ZBTB7C: variants seen among roughly 807,000 people sequenced by gnomAD.
ZBTB7C encodes the protein zinc finger and BTB domain-containing protein 7C.
In ZBTB7C, 8 loss-of-function variants were observed where a neutral mutation model predicts 25.7. The observed-to-expected ratio is 0.31, with a 90% CI of 0.18 to 0.56. The LOEUF is 0.56. Ranked by LOEUF, ZBTB7C falls within the 20% of genes least tolerant of loss-of-function variation. The pLI is 0.91. For synonymous variants in ZBTB7C, 394 were observed against 369.0 expected (o/e 1.07, Z -0.78); for missense variants, 824 against 855.2 (o/e 0.96, Z 0.46).
intron 2 of ZBTB7C, among the ~76,000 whole-genome samples, chr18:48,212,680 A>G (rs543637863): frequency 2.6e-4 from 40 of 152,266 alleles, no homozygotes; most frequent in South Asian, 1.4e-3. Context: ...AATAAAAAAT[A>G]TCTAAGCCAA....
intron 3 of ZBTB7C, among the ~76,000 whole-genome samples, chr18:48,056,683 A>G (rs989558551): frequency 6.6e-6 from 1 of 152,180 alleles, no homozygotes; most frequent in Non-Finnish European, 1.5e-5. Context: ...GCAACCATGT[A>G]GGAGACAAAA....
chr18:48,250,697 G>A (rs1190300743), intron 2 of ZBTB7C, among the ~76,000 whole-genome samples: 1 of 151,864 alleles, frequency 6.6e-6, no homozygotes, highest in Non-Finnish European at 1.5e-5. Context: ...AAACTTTAAT[G>A]AGATTAAGAC....
chr18:48,184,727 A>G lies in ZBTB7C; in HGVS notation c.-17+1207T>C, dbSNP rs543017185. On this transcript the variant is annotated intron_variant, in intron 3 of 4. Coordinates refer to ENST00000590800, the MANE Select transcript of ZBTB7C (RefSeq NM_001318841.2). ...GCAAGTGGACAATTGGGAGTGCTGT[A>G]TTGGTGACTGTCCGCCAGGAGCTCA... Among the ~76,000 whole-genome samples, 3 of 152,188 alleles carry G rather than the reference A, an allele frequency of 2.0e-5. No individual in the cohort carries two copies. The South Asian group carries it at 6.2e-4, about 32-fold the overall frequency.
chr18:48,058,113 G>A (rs1017107322), intron 3 of ZBTB7C, among the ~76,000 whole-genome samples: 2 of 152,222 alleles, frequency 1.3e-5, no homozygotes, highest in Non-Finnish European at 2.9e-5. Context: ...AGCTTCAAGA[G>A]TATGGCTGCA....
At chr18:48,081,784 GAGGCTATTA>G (rs2037996246) in intron 3 of ZBTB7C, among the ~76,000 whole-genome samples, 1 of 152,088 alleles carries the variant, frequency 6.6e-6, no homozygotes, top group South Asian at 2.1e-4. Flanking sequence ...TTAGCCACAC[GAGGCTATTA>G]AGCACTTGAA....
intron 3 of ZBTB7C, among the ~76,000 whole-genome samples, chr18:48,075,517 C>T (rs1481063083): frequency 6.6e-6 from 1 of 152,176 alleles, no homozygotes; most frequent in Non-Finnish European, 1.5e-5. Context: ...CTTCCCTCAC[C>T]GTGGGCTTGG....
intron 2 of ZBTB7C, among the ~76,000 whole-genome samples, chr18:48,233,827 T>A (rs1010398544): frequency 2.0e-5 from 3 of 152,174 alleles, no homozygotes; most frequent in African/African-American, 7.2e-5. Flanking sequence ...AGGCTGCTTG[T>A]GGCAAAGCCC....
intron 3 of ZBTB7C, among the ~76,000 whole-genome samples, chr18:48,177,345 G>T (rs997002034): frequency 3.9e-5 from 6 of 152,084 alleles, no homozygotes; most frequent in African/African-American, 1.2e-4. Context: ...CTTCTTCAAG[G>T]CCCCCTCCTG....
chr18:48,363,332 C>G (rs977467952), intron 1 of ZBTB7C, among the ~76,000 whole-genome samples: 9 of 152,058 alleles, frequency 5.9e-5, no homozygotes, highest in Non-Finnish European at 1.5e-5. Context: ...TGAGAAGTCC[C>G]GGAGTTGGAA....
chr18:48,060,429 T>C (rs766127278), intron 3 of ZBTB7C, among the ~76,000 whole-genome samples: 8 of 152,132 alleles, frequency 5.3e-5, no homozygotes, highest in Non-Finnish European at 1.2e-4. Flanking sequence ...TCCTTGCTCC[T>C]GACTCAGTGA....
chr18:48,120,396 C>T (rs556397152), intron 3 of ZBTB7C, among the ~76,000 whole-genome samples: 4 of 152,148 alleles, frequency 2.6e-5, no homozygotes, highest in South Asian at 2.1e-4. Context: ...GAGGCTGAGG[C>T]GGGCGGATCA....
intron 3 of ZBTB7C, among the ~76,000 whole-genome samples, chr18:48,128,750 G>A (rs2039889377): frequency 6.6e-6 from 1 of 152,200 alleles, no homozygotes; most frequent in Non-Finnish European, 1.5e-5. Context: ...ACTACATATT[G>A]TGTACGATGT....
intron 2 of ZBTB7C, among the ~76,000 whole-genome samples, chr18:48,246,375 A>G (rs912533699): frequency 1.5e-4 from 23 of 151,916 alleles, no homozygotes; most frequent in Admixed American, 4.6e-4. Flanking sequence ...GCTTGCAGTG[A>G]GCTGAGATCA....
chr18:48,036,592 A>G (rs1415424125), intron 4 of ZBTB7C, among the ~76,000 whole-genome samples: 2 of 152,180 alleles, frequency 1.3e-5, no homozygotes, highest in Non-Finnish European at 2.9e-5. Context: ...GGGTTCCAGA[A>G]GGGGAAATGG....
chr18:48,108,283 C>T (rs754862663), intron 3 of ZBTB7C, among the ~76,000 whole-genome samples: 2 of 152,124 alleles, frequency 1.3e-5, no homozygotes, highest in South Asian at 2.1e-4. Flanking sequence ...ATACCAGGGT[C>T]GACCAAGAAT....
intron 2 of ZBTB7C, among the ~76,000 whole-genome samples, chr18:48,288,419 G>A (rs192021603): frequency 6.6e-5 from 10 of 152,098 alleles, no homozygotes; most frequent in African/African-American, 1.4e-4. Context: ...AGGCCAAACC[G>A]GGTGGATCAC....
intron 2 of ZBTB7C, among the ~76,000 whole-genome samples, chr18:48,302,037 AC>A (rs67323503): frequency 0.017 from 2,590 of 152,214 alleles, 72 homozygotes; most frequent in African/African-American, 0.058. Context: ...AGGAAAGCCC[AC>A]ACCCAGCCCC....
chr18:48,338,564 A>T (rs1239560580), intron 1 of ZBTB7C, among the ~76,000 whole-genome samples, 166 bp from the exon 2 acceptor site: 2 of 152,144 alleles, frequency 1.3e-5, no homozygotes, highest in Non-Finnish European at 2.9e-5. Context: ...TTTCACTGAC[A>T]GTGTCCTGCC....
intron 3 of ZBTB7C, among the ~76,000 whole-genome samples, chr18:48,116,158 C>A (rs1170745409): frequency 6.6e-6 from 1 of 152,036 alleles, no homozygotes; most frequent in African/African-American, 2.4e-5. Context: ...GGCACAAATG[C>A]TCCCTGGTGC....
Sources: allele counts gnomAD v4.1 joint callset (sites outside exome capture counted in the v4.1 genomes callset), GRCh38; gene constraint gnomAD v4.1.1; transcripts MANE v1.5; gene names NCBI Gene and HGNC (gene_info 2026-07-23, HGNC 2026-07-21).